Variants in C8orf74 observed in about 807,000 individuals in gnomAD.
C8orf74 encodes uncharacterized protein C8orf74.
In C8orf74, 29 loss-of-function variants were observed where a neutral mutation model predicts 22.2. The observed-to-expected ratio is 1.31, with a 90% CI of 0.97 to 1.78. C8orf74 has a LOEUF of 1.78. Among genes scored for constraint, C8orf74 ranks in the 40% most tolerant of loss-of-function variants. The pLI is 0.00. For synonymous variants in C8orf74, 255 were observed against 163.1 expected (o/e 1.56, Z -4.30); for missense variants, 515 against 369.9 (o/e 1.39, Z -3.22).
At chr8:10,689,645 G>T (rs1195490282) in intron 2 of C8orf74, 2 of 152,174 alleles carry the variant, frequency 1.3e-5, no homozygotes, top group Admixed American at 1.3e-4. Flanking sequence ...CTTACTCATA[G>T]CCTACCGTTG....
At chr8:10,675,364 T>C (rs1171601796) in intron 2 of C8orf74, among the ~76,000 whole-genome samples, 1 of 152,234 alleles carries the variant, frequency 6.6e-6, no homozygotes, top group African/African-American at 2.4e-5. Flanking sequence ...TGAGGAGCTG[T>C]GGTCACTCCA....
At position 10,697,643 on chromosome 8, in the gene C8orf74, A is replaced by T; in HGVS notation, c.286A>T (p.Arg96Ter). The T allele has an allele frequency of 3.7e-6, 6 of 1,613,896 alleles. No individual in the cohort carries two copies. The highest frequency in any genetic ancestry group is 5.1e-6 in the Non-Finnish European group (6 of 1,179,858). ...EAVTILGNKL[R>*]DYRGHFNTTH... ...TGTGACGATCCTGGGGAACAAGCTT[A>T]GAGATTACCGGGGCCATTTCAACAC... Residue 96 changes from arginine (R) to a stop codon, truncating the protein, a stop_gained, in exon 3 of 4, where the codon AGA becomes TGA. Coordinates refer to ENST00000304519, the MANE Select transcript of C8orf74 (RefSeq NM_001040032.2). LOFTEE classifies it high-confidence loss of function.
intron 3 of C8orf74, among the ~76,000 whole-genome samples, chr8:10,698,901 C>CCACACA (rs59324425): frequency 0.021 from 2,867 of 137,580 alleles, 54 homozygotes; most frequent in Middle Eastern, 0.027. Flanking sequence ...TACACACACA[C>CCACACA]CACACACACA....
intron 2 of C8orf74, among the ~76,000 whole-genome samples, chr8:10,684,838 C>G (rs1390538321): frequency 6.6e-6 from 1 of 152,232 alleles, no homozygotes; most frequent in Non-Finnish European, 1.5e-5. Flanking sequence ...GAATTGCCAG[C>G]ATCACCACTG....
chr8:10,695,017 G>A (rs149547548), intron 2 of C8orf74, among the ~76,000 whole-genome samples: 22 of 152,054 alleles, frequency 1.4e-4, no homozygotes, highest in African/African-American at 5.3e-4. Flanking sequence ...ATGGATGGAT[G>A]GGTGGGTGAA....
intron 2 of C8orf74, among the ~76,000 whole-genome samples, chr8:10,694,047 C>T (rs1465498338): frequency 6.6e-6 from 1 of 152,204 alleles, no homozygotes; most frequent in African/African-American, 2.4e-5. Flanking sequence ...CACCTCTGGC[C>T]CTGGCTCAGC....
rs191792808 is a variant in C8orf74 at position 10,690,526 on chromosome 8, G to C, written c.242-7073G>C. Among the ~76,000 whole-genome samples, 337 of 152,296 alleles carry C rather than the reference G, an allele frequency of 2.2e-3. 1 individual carries two copies. The highest frequency in any genetic ancestry group is 7.7e-3 in the African/African-American group (321 of 41,564). On this transcript the variant is annotated intron_variant, in intron 2 of 3. Coordinates refer to ENST00000304519, the MANE Select transcript of C8orf74 (RefSeq NM_001040032.2). Reference sequence around the variant, plus strand: ...TGGTAGGCGCTCAGGTATTGGGAAAGGTGAGCAGTGCCACGCTGTAGCCTG... The same window carrying C: ...TGGTAGGCGCTCAGGTATTGGGAAACGTGAGCAGTGCCACGCTGTAGCCTG...
intron 2 of C8orf74, among the ~76,000 whole-genome samples, chr8:10,696,844 A>G (rs1799527563): frequency 6.6e-6 from 1 of 151,346 alleles, no homozygotes. Flanking sequence ...AGCGAAAGTA[A>G]CTCTTTAAAA....
intron 2 of C8orf74, among the ~76,000 whole-genome samples, chr8:10,696,667 C>T (rs10100322): frequency 2.0e-4 from 30 of 152,072 alleles, no homozygotes; most frequent in Middle Eastern, 6.8e-3. Flanking sequence ...AAGCTGGTCT[C>T]GAACTCCTCA....
At chr8:10,685,675 G>C (rs917762471) in intron 2 of C8orf74, among the ~76,000 whole-genome samples, 1 of 152,198 alleles carries the variant, frequency 6.6e-6, no homozygotes, top group Non-Finnish European at 1.5e-5. Flanking sequence ...AATGGATATG[G>C]AGTTCTAGTT....
At chr8:10,688,970 C>A (rs1282762698) in intron 2 of C8orf74, 1 of 152,308 alleles carries the variant, frequency 6.6e-6, no homozygotes, top group Non-Finnish European at 1.5e-5. Flanking sequence ...AGGCCGTGGA[C>A]AGCAGGTCAG....
intron 2 of C8orf74, among the ~76,000 whole-genome samples, chr8:10,681,784 C>A (rs1364574995): frequency 2.0e-5 from 3 of 152,234 alleles, no homozygotes; most frequent in African/African-American, 4.8e-5. Flanking sequence ...CAATCCCAGG[C>A]CTGGCAGGAG....
intron 2 of C8orf74, among the ~76,000 whole-genome samples, chr8:10,684,389 G>C (rs949478066): frequency 1.3e-5 from 2 of 152,206 alleles, no homozygotes; most frequent in African/African-American, 4.8e-5. Flanking sequence ...ACCAGGTAGG[G>C]GGACCATTAT....
chr8:10,684,759 C>T (rs1433398273), intron 2 of C8orf74, among the ~76,000 whole-genome samples: 1 of 152,194 alleles, frequency 6.6e-6, no homozygotes, highest in Non-Finnish European at 1.5e-5. Flanking sequence ...TCTTTGTTTC[C>T]TTACGAAATC....
chr8:10,682,546 C>G (rs1563157563), intron 2 of C8orf74, among the ~76,000 whole-genome samples: 1 of 152,202 alleles, frequency 6.6e-6, no homozygotes, highest in East Asian at 1.9e-4. Flanking sequence ...CCTGGCGTCT[C>G]TGTGTGTGTC....
In C8orf74 at chr8:10,700,383, C is replaced by T. The variant is rs546522798; in HGVS notation, c.797C>T (p.Pro266Leu). The change falls in exon 4 of 4, where the codon CCG becomes CTG. Residue 266 changes from proline to leucine, a missense_variant. Pro to Leu is a moderately conservative substitution (Grantham distance 98). Transcript: ENST00000304519. ...TLNLNAPTPI[P>L]PPITSHAGQE... ...AACCTCAACGCCCCCACCCCTATCC[C>T]GCCCCCCATCACCAGCCACGCAGGC... 21 of 1,611,456 alleles carry T rather than the reference C, an allele frequency of 1.3e-5. No homozygotes were observed. Among genetic ancestry groups the T allele is most frequent in the African/African-American group, 4.0e-5 (3 of 74,802 alleles).
At chr8:10,688,121 C>T (rs1450200199) in intron 2 of C8orf74, among the ~76,000 whole-genome samples, 2 of 150,840 alleles carry the variant, frequency 1.3e-5, no homozygotes, top group Non-Finnish European at 2.9e-5. Context: ...AGGAGGATCA[C>T]TTGAACGTGG....
intron 2 of C8orf74, among the ~76,000 whole-genome samples, chr8:10,693,529 G>A (rs1799427849): frequency 6.6e-6 from 1 of 152,164 alleles, no homozygotes; most frequent in African/African-American, 2.4e-5. Flanking sequence ...ATTAGAGCTG[G>A]TTCACTTACT....
chr8:10,697,627 C>A lies in C8orf74; in HGVS notation c.270C>A (p.Ile90=). 6.2e-7 allele frequency: 1 copy of A among 1,613,948 alleles called. No homozygotes were observed. The highest frequency in any genetic ancestry group is 1.3e-5 in the African/African-American group (1 of 75,054). ...GCTCCATTACTGAGGCTGTGACGATCCTGGGGAACAAGCTTAGAGATTACC... is the reference window on the plus strand; with the variant it reads ...GCTCCATTACTGAGGCTGTGACGATACTGGGGAACAAGCTTAGAGATTACC... ...KGCSITEAVT[I]LGNKLRDYRG... is the part of the protein sequence containing the mutation. The change falls in exon 3 of 4, where the codon ATC becomes ATA. Residue 90 remains isoleucine, a synonymous_variant. Coordinates refer to ENST00000304519, the MANE Select transcript of C8orf74 (RefSeq NM_001040032.2).
Sources: allele counts gnomAD v4.1 joint callset (sites outside exome capture counted in the v4.1 genomes callset), GRCh38; gene constraint gnomAD v4.1.1; transcripts MANE v1.5; gene names NCBI Gene and HGNC (gene_info 2026-07-23, HGNC 2026-07-21).